The following ZFAND3 variants were observed in gnomAD, a reference collection of about 807,000 sequenced individuals.
The protein encoded by ZFAND3 is zinc finger AN1-type containing 3, also known as AN1-type zinc finger protein 3.
In ZFAND3, 10 loss-of-function variants were observed where a neutral mutation model predicts 29.6. That is an observed-to-expected ratio of 0.34 (90% CI 0.21 to 0.57). The LOEUF (loss-of-function observed/expected upper bound fraction) is 0.57. ZFAND3 is among the 20% of genes least tolerant of loss of function. The pLI, the probability that ZFAND3 is intolerant of heterozygous loss-of-function variation, is 0.86. For missense variants in ZFAND3, 230 were observed against 304.5 expected, an observed-to-expected ratio of 0.76 and a Z score of 1.82; for synonymous variants, 128 against 112.6, an observed-to-expected ratio of 1.14 and a Z score of -0.87.
intron 2 of ZFAND3, among the ~76,000 whole-genome samples, chr6:38,042,683 A>G (rs1763814896): frequency 6.6e-6 from 1 of 152,156 alleles, no homozygotes; most frequent in Admixed American, 6.5e-5. Flanking sequence ...AAACATATGC[A>G]AGAAAGGAAG....
At chr6:38,130,978 T>C (rs1370749278) in intron 5 of ZFAND3, among the ~76,000 whole-genome samples, 1 of 152,206 alleles carries the variant, frequency 6.6e-6, no homozygotes, top group Non-Finnish European at 1.5e-5. Context: ...AGCATTTCAG[T>C]CTTACTGCTT....
chr6:37,903,952 G>A (rs1001241426), intron 1 of ZFAND3, among the ~76,000 whole-genome samples: 1 of 151,990 alleles, frequency 6.6e-6, no homozygotes, highest in African/African-American at 2.4e-5. Flanking sequence ...CAAACTACTT[G>A]GCCTGCTTGG....
At chr6:38,110,802 A>G (rs1765300908) in intron 4 of ZFAND3, among the ~76,000 whole-genome samples, 1 of 152,096 alleles carries the variant, frequency 6.6e-6, no homozygotes. Flanking sequence ...CCACTCTCCT[A>G]TTCTGTATTG....
At chr6:37,848,265 T>C (rs561245866) in intron 1 of ZFAND3, among the ~76,000 whole-genome samples, 64 of 152,388 alleles carry the variant, frequency 4.2e-4, no homozygotes, top group African/African-American at 1.4e-3. Flanking sequence ...TTTGGCACTT[T>C]GAAAAGTACT....
intron 2 of ZFAND3, among the ~76,000 whole-genome samples, chr6:37,969,929 A>G (rs1762357586): frequency 6.6e-6 from 1 of 152,086 alleles, no homozygotes; most frequent in Non-Finnish European, 1.5e-5. Context: ...AAATTAATTT[A>G]GTATCAGGCC....
Position 38,153,661 on chromosome 6 carries a change from G to A in ZFAND3, c.*1272G>A, listed in dbSNP as rs1158900254. 6.1e-6 allele frequency: 6 copies of A among 985,290 alleles called. No homozygotes were observed. The highest frequency in any genetic ancestry group is 6.1e-5 in the Admixed American group (1 of 16,264). The allele number at this position is 985,290 out of a possible 1,614,324, so 61.0% of individuals were successfully genotyped here. A position where few individuals can be genotyped will look rare whatever the true frequency, so the allele number is the denominator to read the frequency against. ...GATTTCAGCAGCTGCAACTGCGCAC[G>A]CCAGGTGGGGAAGGGTGGGGGTGGG... On this transcript the variant is annotated 3_prime_UTR_variant, in exon 6 of 6. Transcript: ENST00000287218.
rs565846327 is a variant in ZFAND3, at chr6:38,031,565, G to C, written c.113-30028G>C. 3.3e-5 allele frequency among the ~76,000 whole-genome samples: 5 copies of C among 152,206 alleles called. No individual in the cohort carries two copies. In the South Asian group the frequency reaches 1.0e-3, roughly 32 times the overall value. ...GCTGGAGGAAAGTTCTCAGACTTTG[G>C]AGTCCAGTAGACTTGAGTACTTGTA... On this transcript the variant is annotated intron_variant, in intron 2 of 5. Coordinates refer to ENST00000287218, the MANE Select transcript of ZFAND3 (RefSeq NM_021943.3).
At chr6:37,934,872 T>C (rs926531157) in intron 2 of ZFAND3, among the ~76,000 whole-genome samples, 10 of 143,962 alleles carry the variant, frequency 6.9e-5, no homozygotes, top group Non-Finnish European at 1.5e-4. Context: ...AAAGCAAAAG[T>C]TAATCTTACC....
At chr6:37,945,418 CAG>C (rs1761884418) in intron 2 of ZFAND3, among the ~76,000 whole-genome samples, 1 of 152,046 alleles carries the variant, frequency 6.6e-6, no homozygotes. Context: ...TTTTTCAAGA[CAG>C]AGTCTCGCTC....
chr6:38,118,248 T>C (rs1386817193), intron 5 of ZFAND3, among the ~76,000 whole-genome samples: 1 of 152,194 alleles, frequency 6.6e-6, no homozygotes, highest in African/African-American at 2.4e-5. Flanking sequence ...CTTGGTGATG[T>C]AGGGCAGGGA....
At chr6:38,090,806 T>C (rs1764852174) in intron 4 of ZFAND3, among the ~76,000 whole-genome samples, 1 of 152,150 alleles carries the variant, frequency 6.6e-6, no homozygotes, top group Non-Finnish European at 1.5e-5. Flanking sequence ...GATTTGATAC[T>C]CAATATGTAA....
At chr6:38,080,077 G>A (rs867415850) in intron 3 of ZFAND3, among the ~76,000 whole-genome samples, 1 of 150,382 alleles carries the variant, frequency 6.6e-6, no homozygotes, top group African/African-American at 2.4e-5. Flanking sequence ...AACACCACAT[G>A]TTCTCACTCA....
Position 38,154,482 on chromosome 6 carries a change from TA to T in ZFAND3, c.*2095del. On this transcript the variant is annotated 3_prime_UTR_variant, in exon 6 of 6. Coordinates refer to ENST00000287218, the MANE Select transcript of ZFAND3 (RefSeq NM_021943.3). Reference sequence around the variant, plus strand: ...TATCTTTAAAAGAGAAAATCTTATTTAACCCTTTTGTGTTCTAGATTTACTT... The same window carrying T: ...TATCTTTAAAAGAGAAAATCTTATTTACCCTTTTGTGTTCTAGATTTACTT... 1.0e-6 allele frequency: 1 copy of T among 984,438 alleles called. No homozygotes were observed. The highest frequency in any genetic ancestry group is 1.7e-5 in the African/African-American group (1 of 57,358). The allele number at this position is 984,438 out of a possible 1,614,324, so 61.0% of individuals were successfully genotyped here. A position where few individuals can be genotyped will look rare whatever the true frequency, so the allele number is the denominator to read the frequency against.
chr6:38,060,779 AT>A (rs138886885), intron 2 of ZFAND3, among the ~76,000 whole-genome samples: 2 of 151,340 alleles, frequency 1.3e-5, no homozygotes, highest in African/African-American at 2.4e-5. Context: ...TGCCAGGTAC[AT>A]TTTTTTTTAT....
At chr6:37,965,902 A>T (rs952113406) in intron 2 of ZFAND3, among the ~76,000 whole-genome samples, 1 of 152,084 alleles carries the variant, frequency 6.6e-6, no homozygotes, top group Admixed American at 6.6e-5. Context: ...AGCTGGGACT[A>T]TAGGCATGTG....
At chr6:38,004,439 T>C (rs963324716) in intron 2 of ZFAND3, among the ~76,000 whole-genome samples, 1 of 150,452 alleles carries the variant, frequency 6.6e-6, no homozygotes, top group Non-Finnish European at 1.5e-5. Context: ...TCCCTCTCCC[T>C]TCCCCTCTCC....
At chr6:38,020,118 A>AT (rs538403439) in intron 2 of ZFAND3, among the ~76,000 whole-genome samples, 8 of 152,366 alleles carry the variant, frequency 5.3e-5, no homozygotes, top group African/African-American at 1.7e-4. Context: ...TGGGCAAATC[A>AT]TAGCTTTGTT....
chr6:37,848,626 A>G (rs929111893), intron 1 of ZFAND3, among the ~76,000 whole-genome samples: 7 of 152,248 alleles, frequency 4.6e-5, no homozygotes, highest in African/African-American at 1.7e-4. Flanking sequence ...GAAATGCAGA[A>G]ATAGAGCTGC....
intron 1 of ZFAND3, among the ~76,000 whole-genome samples, chr6:37,830,959 G>A (rs746673310): frequency 6.6e-6 from 1 of 151,682 alleles, no homozygotes; most frequent in Non-Finnish European, 1.5e-5. Flanking sequence ...CTGATGAAGG[G>A]CCCCCTTTCT....
Sources: allele counts gnomAD v4.1 joint callset (sites outside exome capture counted in the v4.1 genomes callset), GRCh38; gene constraint gnomAD v4.1.1; transcripts MANE v1.5; gene names NCBI Gene and HGNC (gene_info 2026-07-23, HGNC 2026-07-21).